SYNDIG1: variants seen among roughly 807,000 people sequenced by gnomAD.
SYNDIG1 encodes synapse differentiation inducing 1, also known as synapse differentiation-inducing gene protein 1.
SYNDIG1 carries 9 observed loss-of-function variants against 19.4 expected under a neutral mutation model. That is an observed-to-expected ratio of 0.46 (90% CI 0.28 to 0.81). SYNDIG1 has a LOEUF of 0.81. Ranked by LOEUF, SYNDIG1 falls within the 30% of genes least tolerant of loss-of-function variation. The pLI is 0.12. For synonymous variants in SYNDIG1, 141 were observed against 145.9 expected (o/e 0.97, Z 0.24); for missense variants, 311 against 343.3 (o/e 0.91, Z 0.74).
At chr20:24,473,274 A>G (rs909220086) in intron 1 of SYNDIG1, among the ~76,000 whole-genome samples, 1 of 152,208 alleles carries the variant, frequency 6.6e-6, no homozygotes, top group Non-Finnish European at 1.5e-5. Context: ...GTGCACTGAT[A>G]GAAGTTTTTG....
At chr20:24,550,326 G>A (rs369460998) in intron 2 of SYNDIG1, among the ~76,000 whole-genome samples, 45 of 149,844 alleles carry the variant, frequency 3.0e-4, no homozygotes, top group Admixed American at 2.8e-3. Context: ...TACTGATTTC[G>A]TTTCCTTTGG....
intron 3 of SYNDIG1, among the ~76,000 whole-genome samples, chr20:24,620,554 G>C (rs2059022563): frequency 6.6e-6 from 1 of 152,220 alleles, no homozygotes; most frequent in Admixed American, 6.5e-5. Context: ...CCTACATCAA[G>C]GTGGAGCACA....
intron 2 of SYNDIG1, among the ~76,000 whole-genome samples, chr20:24,577,928 CA>C (rs1312874645): frequency 2.6e-5 from 4 of 152,148 alleles, no homozygotes; most frequent in Non-Finnish European, 4.4e-5. Context: ...ATGATAGGCC[CA>C]AAGGAAGGTG....
At chr20:24,561,444 C>T (rs1018995854) in intron 2 of SYNDIG1, among the ~76,000 whole-genome samples, 2 of 151,976 alleles carry the variant, frequency 1.3e-5, no homozygotes, top group African/African-American at 4.8e-5. Flanking sequence ...TTTCCAACCT[C>T]TGCTCTCAAG....
chr20:24,534,652 G>A (rs748033612), intron 1 of SYNDIG1, among the ~76,000 whole-genome samples: 4 of 152,158 alleles, frequency 2.6e-5, no homozygotes, highest in Non-Finnish European at 4.4e-5. Flanking sequence ...ACACGTTGGC[G>A]CTCATTCAAA....
intron 1 of SYNDIG1, among the ~76,000 whole-genome samples, chr20:24,517,207 G>A (rs758481185): frequency 2.0e-5 from 3 of 151,684 alleles, no homozygotes; most frequent in Non-Finnish European, 2.9e-5. Context: ...TGTAAATGAC[G>A]AGTTAATGGG....
intron 3 of SYNDIG1, among the ~76,000 whole-genome samples, chr20:24,602,377 C>T (rs188141115): frequency 5.3e-5 from 8 of 152,282 alleles, no homozygotes; most frequent in Non-Finnish European, 2.9e-5. Context: ...CATCTTAGTC[C>T]ACACTCAAGC....
intron 1 of SYNDIG1, among the ~76,000 whole-genome samples, chr20:24,535,406 C>CA (rs570807298): frequency 3.0e-4 from 46 of 152,158 alleles, no homozygotes; most frequent in Non-Finnish European, 5.6e-4. Flanking sequence ...GGTTTATTTA[C>CA]AAATCAAGAA....
intron 1 of SYNDIG1, among the ~76,000 whole-genome samples, chr20:24,517,363 C>A (rs755741909): frequency 5.3e-5 from 8 of 150,350 alleles, no homozygotes; most frequent in Non-Finnish European, 1.2e-4. Context: ...CGCCTGTAAT[C>A]CCAGCACTTT....
intron 3 of SYNDIG1, among the ~76,000 whole-genome samples, chr20:24,639,972 A>T (rs1264821451): frequency 6.6e-6 from 1 of 152,202 alleles, no homozygotes; most frequent in Non-Finnish European, 1.5e-5. Context: ...CCAAATTTTC[A>T]TTCTAGTAAA....
At chr20:24,611,911 C>G (rs575022905) in intron 3 of SYNDIG1, among the ~76,000 whole-genome samples, 56 of 152,308 alleles carry the variant, frequency 3.7e-4, no homozygotes, top group African/African-American at 1.3e-3. Flanking sequence ...AAATAAAATA[C>G]AGGGAACACC....
At chr20:24,630,102 C>T (rs990465705) in intron 3 of SYNDIG1, among the ~76,000 whole-genome samples, 2 of 152,030 alleles carry the variant, frequency 1.3e-5, no homozygotes, top group African/African-American at 2.4e-5. Context: ...TGCCAGAACT[C>T]GATAAGAAAA....
intron 1 of SYNDIG1, among the ~76,000 whole-genome samples, chr20:24,485,176 T>A (rs760299670): frequency 6.6e-6 from 1 of 152,218 alleles, no homozygotes; most frequent in Non-Finnish European, 1.5e-5. Flanking sequence ...CTCTTTCCTT[T>A]ATAAATTACC....
chr20:24,509,919 G>A (rs376449996), intron 1 of SYNDIG1, among the ~76,000 whole-genome samples: 10 of 152,162 alleles, frequency 6.6e-5, no homozygotes, highest in East Asian at 1.9e-4. Flanking sequence ...ACGGTTTAGC[G>A]CTGACCCCTT....
rs189180037 is a variant in SYNDIG1 at position 24,585,335 on chromosome 20, G to A, written c.618+342G>A. 3.9e-5 allele frequency among the ~76,000 whole-genome samples: 6 copies of A among 152,308 alleles called. No individual in the cohort carries two copies. In the East Asian group the frequency reaches 9.7e-4, roughly 25 times the overall value. Reference sequence around the variant, plus strand: ...TAGGTGCTGGTGTTGTGTGTGTGGGGTGACCCCAGTGCCGGGAAACACCAT... The same window carrying A: ...TAGGTGCTGGTGTTGTGTGTGTGGGATGACCCCAGTGCCGGGAAACACCAT... On this transcript the variant is annotated intron_variant, in intron 3 of 3. Coordinates refer to ENST00000376862, the MANE Select transcript of SYNDIG1 (RefSeq NM_024893.3).
At chr20:24,564,945 C>A (rs746303969) in intron 2 of SYNDIG1, among the ~76,000 whole-genome samples, 4 of 152,124 alleles carry the variant, frequency 2.6e-5, no homozygotes, top group Non-Finnish European at 4.4e-5. Context: ...GTACCAGACC[C>A]CGGAAGAACA....
chr20:24,603,805 A>C (rs932926748), intron 3 of SYNDIG1, among the ~76,000 whole-genome samples: 1 of 152,250 alleles, frequency 6.6e-6, no homozygotes, highest in Admixed American at 6.5e-5. Flanking sequence ...GACATTCGTC[A>C]GGCACTGTGG....
At chr20:24,596,316 T>A (rs559070348) in intron 3 of SYNDIG1, among the ~76,000 whole-genome samples, 1 of 152,306 alleles carries the variant, frequency 6.6e-6, no homozygotes, top group East Asian at 1.9e-4. Context: ...ATTTTTAATG[T>A]GTATTTATGT....
At chr20:24,515,633 G>C (rs1209157332) in intron 1 of SYNDIG1, among the ~76,000 whole-genome samples, 4 of 151,912 alleles carry the variant, frequency 2.6e-5, no homozygotes, top group Non-Finnish European at 5.9e-5. Flanking sequence ...ACTTACAAGG[G>C]ATGTGAAGGA....
Sources: gnomAD v4.1 joint callset for allele counts (sites outside exome capture counted in the v4.1 genomes callset) on GRCh38, gnomAD v4.1.1 for gene constraint, MANE v1.5 for transcripts, NCBI Gene and HGNC (gene_info 2026-07-23, HGNC 2026-07-21) for gene names.